The following XKR6 variants were observed in gnomAD, a reference collection of about 807,000 sequenced individuals.
The protein encoded by XKR6 is XK related 6, also known as XK-related protein 6.
A neutral mutation model predicts 56.7 loss-of-function variants in XKR6; 22 were observed. The ratio of observed to expected loss-of-function variants is 0.39; its 90% CI spans 0.28 to 0.55. The LOEUF (loss-of-function observed/expected upper bound fraction) is 0.55, where lower values mean the gene tolerates loss of function less well. Among genes scored for constraint, XKR6 ranks in the 20% least tolerant of loss-of-function variants. The pLI is 0.66. For synonymous variants in XKR6, 524 were observed against 387.8 expected (o/e 1.35, Z -4.13); for missense variants, 852 against 889.0 (o/e 0.96, Z 0.53).
At chr8:10,961,342 G>A (rs115179970) in intron 1 of XKR6, among the ~76,000 whole-genome samples, 1,602 of 152,304 alleles carry the variant, frequency 0.011, 27 homozygotes, top group African/African-American at 0.037. Flanking sequence ...AGGAGGTGGC[G>A]GCTTGAGTGA....
At chr8:11,088,068 A>C (rs940078869) in intron 1 of XKR6, among the ~76,000 whole-genome samples, 1 of 152,240 alleles carries the variant, frequency 6.6e-6, no homozygotes, top group Non-Finnish European at 1.5e-5. Context: ...CAAACAAGAT[A>C]AGTAGCTTCA....
At chr8:11,084,106 T>G (rs1167211468) in intron 1 of XKR6, among the ~76,000 whole-genome samples, 2 of 152,234 alleles carry the variant, frequency 1.3e-5, no homozygotes, top group Admixed American at 1.3e-4. Context: ...AGCCTCAGTT[T>G]CCACAATGAT....
intron 1 of XKR6, among the ~76,000 whole-genome samples, chr8:10,947,290 C>T (rs1389154319): frequency 5.9e-5 from 9 of 152,148 alleles, no homozygotes; most frequent in Middle Eastern, 3.4e-3. Context: ...CGGGATGAAC[C>T]GAAAAGGAGA....
chr8:10,945,054 C>T (rs1409354932), intron 1 of XKR6, among the ~76,000 whole-genome samples: 1 of 152,216 alleles, frequency 6.6e-6, no homozygotes, highest in Non-Finnish European at 1.5e-5. Context: ...CTTCTGTAAA[C>T]ATCCCAGGGC....
intron 2 of XKR6, among the ~76,000 whole-genome samples, chr8:10,902,848 G>C (rs1006226097): frequency 5.3e-5 from 8 of 152,194 alleles, no homozygotes; most frequent in African/African-American, 1.9e-4. Context: ...CCTGCAAGGA[G>C]GGGACTTGCC....
chr8:11,109,152 C>G (rs1397932699), intron 1 of XKR6: 1 of 152,152 alleles, frequency 6.6e-6, no homozygotes, highest in Non-Finnish European at 1.5e-5. Context: ...AACATAAAAT[C>G]TGAATAAAAG....
chr8:11,188,616 G>A (rs546843309), intron 1 of XKR6, among the ~76,000 whole-genome samples: 57 of 152,284 alleles, frequency 3.7e-4, no homozygotes, highest in Non-Finnish European at 6.3e-4. Context: ...CTTCAGCTTT[G>A]AAGGCAAAGT....
At chr8:11,001,206 GAA>G (rs1798230917) in intron 1 of XKR6, among the ~76,000 whole-genome samples, 2 of 152,216 alleles carry the variant, frequency 1.3e-5, no homozygotes, top group Non-Finnish European at 2.9e-5. Flanking sequence ...AGTGAAGGAA[GAA>G]CTCCCCTTCC....
chr8:10,955,973 G>A (rs775093107), intron 1 of XKR6, among the ~76,000 whole-genome samples: 18 of 152,178 alleles, frequency 1.2e-4, no homozygotes, highest in Non-Finnish European at 2.4e-4. Context: ...TCGGTGAGAG[G>A]GTGAGGGCAA....
At chr8:11,035,304 A>G (rs768840626) in intron 1 of XKR6, 2 of 534,798 alleles carry the variant, frequency 3.7e-6, no homozygotes, top group South Asian at 2.8e-5. Context: ...TCATCAAGCC[A>G]TCTTCCTGCG....
rs1184455426 is a variant in XKR6 at position 10,898,100 on chromosome 8, C to T, written c.1778G>A (p.Arg593Gln). The change falls in exon 3 of 3, where the codon CGA (arginine) becomes CAA (glutamine). Residue 593 changes from arginine (R) to glutamine (Q), a missense_variant. This residue lies in a region of XKR6 where 39 missense variants were observed against 62.5 expected (regional missense o/e 0.62). Coordinates refer to ENST00000416569, the MANE Select transcript of XKR6 (RefSeq NM_173683.4). This position sits in a 1 kb window ranked among gnomAD's most constrained non-coding sequence, Gnocchi z 6.6. ...AAAATGAGCATCCCAAGCTGGGTATCGCTTTCTTGGCATGTCAATCTTAAT... is the reference window on the plus strand; with the variant it reads ...AAAATGAGCATCCCAAGCTGGGTATTGCTTTCTTGGCATGTCAATCTTAAT... ...PLIKIDMPRK[R>Q]YPAWDAHFVD... 9.3e-6 allele frequency: 15 copies of T among 1,614,096 alleles called. No homozygotes were observed. The East Asian group carries it at 1.1e-4, about 12-fold the overall frequency.
intron 1 of XKR6, among the ~76,000 whole-genome samples, chr8:11,001,545 A>G (rs1282676131): frequency 6.6e-6 from 1 of 152,194 alleles, no homozygotes; most frequent in Non-Finnish European, 1.5e-5. Flanking sequence ...CTCTACCCCT[A>G]TAGCCAGTCC....
At chr8:10,928,778 C>T (rs575294529) in intron 1 of XKR6, among the ~76,000 whole-genome samples, 1 of 152,312 alleles carries the variant, frequency 6.6e-6, no homozygotes, top group East Asian at 1.9e-4. Flanking sequence ...TCCAAGCCCC[C>T]TCCTTCTCCA....
chr8:11,117,835 C>T (rs1468354974), intron 1 of XKR6, among the ~76,000 whole-genome samples: 1 of 152,062 alleles, frequency 6.6e-6, no homozygotes, highest in Non-Finnish European at 1.5e-5. Context: ...CCCATGAAAA[C>T]TGTGCAACAA....
At chr8:10,998,930 T>C (rs1798176308) in intron 1 of XKR6, among the ~76,000 whole-genome samples, 1 of 152,222 alleles carries the variant, frequency 6.6e-6, no homozygotes, top group South Asian at 2.1e-4. Context: ...ACCAACTGTG[T>C]AGCCTGAGAA....
At chr8:11,086,211 A>G (rs866800635) in intron 1 of XKR6, among the ~76,000 whole-genome samples, 1 of 151,674 alleles carries the variant, frequency 6.6e-6, no homozygotes, top group South Asian at 2.1e-4. Flanking sequence ...TAATGCATCA[A>G]CTCACTGGCT....
chr8:11,163,971 T>C (rs1563186396), intron 1 of XKR6, among the ~76,000 whole-genome samples: 1 of 152,166 alleles, frequency 6.6e-6, no homozygotes, highest in Non-Finnish European at 1.5e-5. Flanking sequence ...CAAACCCAGC[T>C]ATGTAGCTAA....
At chr8:11,080,971 T>C (rs555166849) in intron 1 of XKR6, among the ~76,000 whole-genome samples, 33 of 152,210 alleles carry the variant, frequency 2.2e-4, no homozygotes, top group Admixed American at 5.9e-4. Flanking sequence ...ACAGGACATA[T>C]CAATGGCAAA....
At position 10,897,052 on chromosome 8, in the gene XKR6, C is replaced by T. The variant is rs181759015; in HGVS notation, c.*900G>A. On this transcript the variant is annotated 3_prime_UTR_variant, in exon 3 of 3. Transcript: ENST00000416569. Reference sequence around the variant, plus strand: ...TTGCTTTAGAATATCCTGTCCTTACCGAATTATTGCGGTGGCTTTTTGTTT... The same window carrying T: ...TTGCTTTAGAATATCCTGTCCTTACTGAATTATTGCGGTGGCTTTTTGTTT... The T allele has an allele frequency of 6.6e-6, 1 of 152,616 alleles. No individual in the cohort carries two copies. The highest frequency in any genetic ancestry group is 6.5e-5 in the Admixed American group (1 of 15,290). 9.5% of individuals were successfully genotyped at this position (152,616 alleles called of 1,614,324 possible). A position where few individuals can be genotyped will look rare whatever the true frequency, so the allele number is the denominator to read the frequency against.
Sources: gnomAD v4.1 joint callset for allele counts (sites outside exome capture counted in the v4.1 genomes callset) on GRCh38, gnomAD v4.1.1 for gene constraint, gnomAD v4.1.1 regional missense constraint, Gnocchi (gnomAD v3.1) non-coding constraint, MANE v1.5 for transcripts, NCBI Gene and HGNC (gene_info 2026-07-23, HGNC 2026-07-21) for gene names.